The following DLG2 variants were observed in gnomAD, a reference collection of about 807,000 sequenced individuals.
DLG2 encodes the protein disks large homolog 2.
In DLG2, 45 loss-of-function variants were observed where a neutral mutation model predicts 132.5. That is an observed-to-expected ratio of 0.34 (90% CI 0.27 to 0.44). The LOEUF (loss-of-function observed/expected upper bound fraction) is 0.44, where lower values mean the gene tolerates loss of function less well. Among genes scored for constraint, DLG2 ranks in the 20% least tolerant of loss-of-function variants. The pLI is 1.00. For missense variants in DLG2, 1,045 were observed against 1,196.9 expected (o/e 0.87, Z 1.87); for synonymous variants, 424 against 419.6 (o/e 1.01, Z -0.13).
intron 3 of DLG2, among the ~76,000 whole-genome samples, chr11:85,535,875 C>G (rs933781204): frequency 6.6e-6 from 1 of 152,116 alleles, no homozygotes; most frequent in Non-Finnish European, 1.5e-5. Context: ...GTGAAAGAAG[C>G]TAGTCACAAA....
At chr11:85,396,008 C>T (rs2087321330) in intron 3 of DLG2, among the ~76,000 whole-genome samples, 1 of 152,142 alleles carries the variant, frequency 6.6e-6, no homozygotes, top group Non-Finnish European at 1.5e-5. Context: ...AAACACCTCC[C>T]AGTAGGGGCC....
intron 4 of DLG2, among the ~76,000 whole-genome samples, chr11:85,204,800 A>G (rs1346736905): frequency 1.3e-5 from 2 of 152,272 alleles, no homozygotes; most frequent in East Asian, 3.9e-4. Context: ...AGCTACAGTA[A>G]CCAAAACATC....
intron 3 of DLG2, among the ~76,000 whole-genome samples, chr11:85,410,915 T>C (rs1275796058): frequency 2.6e-5 from 4 of 151,792 alleles, no homozygotes. Flanking sequence ...CACTCTTTGC[T>C]TCAGTTGACA....
intron 7 of DLG2, among the ~76,000 whole-genome samples, chr11:84,288,412 A>G (rs373578227): frequency 6.6e-6 from 1 of 152,092 alleles, no homozygotes; most frequent in Non-Finnish European, 1.5e-5. Context: ...ATAGATTTCT[A>G]TTTGATACTT....
chr11:83,955,353 CCG>C lies in DLG2; in HGVS notation c.1340+7530_1340+7531del, dbSNP rs1196933008. 2.5e-3 allele frequency among the ~76,000 whole-genome samples: 380 copies of C among 152,268 alleles called. 2 individuals carry two copies. Among genetic ancestry groups the C allele is most frequent in the African/African-American group, 8.8e-3 (367 of 41,556 alleles). On this transcript the variant is annotated intron_variant, in intron 14 of 27. Coordinates refer to ENST00000376104, the MANE Select transcript of DLG2 (RefSeq NM_001142699.3). ...CTGTTATTCTACTGTAATTCTAAAG[CCG>C]GGTCAGTTGCCTGCTTAGGGTACTC... is the stretch of plus-strand genomic sequence containing the variant.
chr11:84,557,963 T>G (rs1326434004), intron 6 of DLG2, among the ~76,000 whole-genome samples: 1 of 152,156 alleles, frequency 6.6e-6, no homozygotes, highest in Non-Finnish European at 1.5e-5. Flanking sequence ...ACTATGATTT[T>G]TCCATACTCT....
intron 6 of DLG2, among the ~76,000 whole-genome samples, chr11:84,546,160 G>A (rs2099389373): frequency 6.6e-6 from 1 of 152,144 alleles, no homozygotes; most frequent in South Asian, 2.1e-4. Flanking sequence ...TGCTGGAGGT[G>A]GGGCCTGGTG....
At chr11:83,660,417 C>T (rs930499201) in intron 18 of DLG2, among the ~76,000 whole-genome samples, 3 of 152,150 alleles carry the variant, frequency 2.0e-5, no homozygotes, top group African/African-American at 7.2e-5. Context: ...AATTTTACAA[C>T]AAAATCCACA....
At chr11:84,479,015 CTAAGAAA>C (rs1227246330) in intron 7 of DLG2, among the ~76,000 whole-genome samples, 4 of 151,982 alleles carry the variant, frequency 2.6e-5, no homozygotes, top group African/African-American at 9.7e-5. Flanking sequence ...CATTATAATT[CTAAGAAA>C]TAAGAACCAT....
intron 5 of DLG2, among the ~76,000 whole-genome samples, chr11:85,122,158 T>A (rs2074400727): frequency 6.6e-6 from 1 of 152,136 alleles, no homozygotes; most frequent in Admixed American, 6.6e-5. Flanking sequence ...CCTCAAGGAA[T>A]TCACATTCTA....
At chr11:83,727,368 C>T (rs2090196068) in intron 18 of DLG2, among the ~76,000 whole-genome samples, 1 of 152,162 alleles carries the variant, frequency 6.6e-6, no homozygotes, top group Admixed American at 6.5e-5. Context: ...CCATTATCAG[C>T]TGGTCCCTCT....
intron 6 of DLG2, among the ~76,000 whole-genome samples, chr11:84,677,198 G>A (rs1212977022): frequency 6.6e-6 from 1 of 152,048 alleles, no homozygotes; most frequent in Non-Finnish European, 1.5e-5. Context: ...GTATGAAGGT[G>A]GGACAATGAA....
intron 7 of DLG2, among the ~76,000 whole-genome samples, chr11:84,317,697 T>C (rs2098375064): frequency 6.6e-6 from 1 of 152,142 alleles, no homozygotes; most frequent in South Asian, 2.1e-4. Flanking sequence ...AAAGGAATTT[T>C]CAACATTTAT....
intron 7 of DLG2, among the ~76,000 whole-genome samples, chr11:84,452,106 G>C (rs1197136072): frequency 8.4e-6 from 1 of 118,926 alleles, no homozygotes; most frequent in Non-Finnish European, 1.6e-5. Context: ...TAAACTGAAA[G>C]GTTAACAAAA....
intron 6 of DLG2, among the ~76,000 whole-genome samples, chr11:84,780,940 G>T (rs185041823): frequency 7.7e-6 from 1 of 130,400 alleles, no homozygotes; most frequent in Non-Finnish European, 1.6e-5. Context: ...TAAAAGCAAG[G>T]AACATAAAGG....
chr11:84,359,143 C>T (rs551515050), intron 7 of DLG2, among the ~76,000 whole-genome samples: 2 of 151,978 alleles, frequency 1.3e-5, no homozygotes, highest in East Asian at 1.9e-4. Flanking sequence ...ATATGCTTCC[C>T]TAGACTGAAT....
chr11:85,623,136 T>C (rs2081837735), intron 2 of DLG2, among the ~76,000 whole-genome samples: 1 of 151,680 alleles, frequency 6.6e-6, no homozygotes, highest in Admixed American at 6.6e-5. Context: ...AACATATACA[T>C]ATAAAAAAGA....
At chr11:83,681,191 G>A (rs1159066168) in intron 18 of DLG2, among the ~76,000 whole-genome samples, 1 of 152,122 alleles carries the variant, frequency 6.6e-6, no homozygotes, top group Non-Finnish European at 1.5e-5. Context: ...AGTACGTCAA[G>A]CTGTCGGTTT....
intron 6 of DLG2, among the ~76,000 whole-genome samples, chr11:85,027,938 C>T (rs1182398491): frequency 2.0e-5 from 3 of 152,176 alleles, no homozygotes; most frequent in Non-Finnish European, 4.4e-5. Context: ...GCAGCTCTTT[C>T]AGTCCCACCA....
Sources: gnomAD v4.1 joint callset for allele counts (sites outside exome capture counted in the v4.1 genomes callset) on GRCh38, gnomAD v4.1.1 for gene constraint, MANE v1.5 for transcripts, NCBI Gene and HGNC (gene_info 2026-07-23, HGNC 2026-07-21) for gene names.